Variants in KCNH5 observed in about 807,000 individuals in gnomAD.
The protein encoded by KCNH5 is potassium voltage-gated channel subfamily H member 5.
A neutral mutation model predicts 96.1 loss-of-function variants in KCNH5; 46 were observed. The observed-to-expected ratio is 0.48, with a 90% confidence interval of 0.38 to 0.61. KCNH5 has a LOEUF of 0.61. Among genes scored for constraint, KCNH5 ranks in the 20% least tolerant of loss-of-function variants. The pLI is 0.00. For synonymous variants in KCNH5, 439 were observed against 449.8 expected (o/e 0.98, Z 0.30); for missense variants, 907 against 1,225.8 (o/e 0.74, Z 3.88).
intron 9 of KCNH5, among the ~76,000 whole-genome samples, chr14:62,799,590 A>G (rs1383446799): frequency 6.9e-6 from 1 of 145,376 alleles, no homozygotes; most frequent in East Asian, 2.0e-4. Flanking sequence ...AAAAAAAAAA[A>G]AAGCCAAAAA....
chr14:62,781,581 C>A (rs559274374), intron 9 of KCNH5, among the ~76,000 whole-genome samples: 1 of 152,146 alleles, frequency 6.6e-6, no homozygotes, highest in East Asian at 1.9e-4. Context: ...CCGCCAGGTG[C>A]GCATTCTCTT....
Position 62,980,892 on chromosome 14 carries a change from CATTGATGATGTCATAAGGT to C in KCNH5, c.903_921del (p.Tyr303LeufsTer15). The C allele has an allele frequency of 6.2e-7, 1 of 1,613,854 alleles. No individual in the cohort carries two copies. Among genetic ancestry groups the C allele is most frequent in the South Asian group, 1.1e-5 (1 of 90,968 alleles). ...CTTACCTCATCCACATTTTCAAAGG[CATTGATGATGTCATAAGGT>C]AAACAAGACAGCAGATCGATCACAA... On this transcript the variant is annotated frameshift_variant, in exon 6 of 11. Coordinates refer to ENST00000322893, the MANE Select transcript of KCNH5 (RefSeq NM_139318.5). LOFTEE classifies it high-confidence loss of function.
At chr14:62,793,322 C>CTTACCATGAAA (rs1886473505) in intron 9 of KCNH5, among the ~76,000 whole-genome samples, 2 of 151,760 alleles carry the variant, frequency 1.3e-5, no homozygotes, top group African/African-American at 4.8e-5. Flanking sequence ...GAAAAAAGGA[C>CTTACCATGAAA]AGAAGAAAGC....
At chr14:62,792,961 GC>G (rs1467675652) in intron 9 of KCNH5, among the ~76,000 whole-genome samples, 4 of 151,700 alleles carry the variant, frequency 2.6e-5, no homozygotes, top group Admixed American at 2.6e-4. Flanking sequence ...ATATTATTCA[GC>G]CTTTGAAAAG....
chr14:62,759,661 C>G (rs1016737621), intron 10 of KCNH5, among the ~76,000 whole-genome samples: 1 of 151,482 alleles, frequency 6.6e-6, no homozygotes, highest in Admixed American at 6.6e-5. Context: ...CTTTCTTTCT[C>G]TCTCTCTTTC....
intron 6 of KCNH5, among the ~76,000 whole-genome samples, chr14:62,954,607 G>A (rs1031346925): frequency 1.3e-5 from 2 of 152,112 alleles, no homozygotes; most frequent in East Asian, 1.9e-4. Flanking sequence ...GTAACTTAGG[G>A]TTGCATTAAT....
chr14:62,743,728 T>G (rs1885320450), intron 10 of KCNH5, among the ~76,000 whole-genome samples: 1 of 152,162 alleles, frequency 6.6e-6, no homozygotes, highest in Non-Finnish European at 1.5e-5. Context: ...ATTCACTGTG[T>G]TGCCTATATC....
At chr14:62,787,692 AG>A (rs1176060652) in intron 9 of KCNH5, among the ~76,000 whole-genome samples, 1 of 152,188 alleles carries the variant, frequency 6.6e-6, no homozygotes, top group East Asian at 1.9e-4. Context: ...TTTAAGTTGA[AG>A]CCAGTACTCC....
At chr14:63,002,949 G>C (rs540900027) in intron 3 of KCNH5, among the ~76,000 whole-genome samples, 1 of 152,044 alleles carries the variant, frequency 6.6e-6, no homozygotes, top group Non-Finnish European at 1.5e-5. Context: ...TGATGTGCAC[G>C]GTTTTACAAA....
chr14:62,947,714 GAC>G (rs373941818), intron 7 of KCNH5, among the ~76,000 whole-genome samples: 1,577 of 149,438 alleles, frequency 0.011, 21 homozygotes, highest in African/African-American at 0.035. Flanking sequence ...GGACAGCTTA[GAC>G]ACACACACAC....
intron 8 of KCNH5, among the ~76,000 whole-genome samples, chr14:62,844,413 T>C (rs1313031592): frequency 6.6e-6 from 1 of 152,240 alleles, no homozygotes; most frequent in Non-Finnish European, 1.5e-5. Context: ...GCCATTTACT[T>C]CATTTGAATT....
rs185851520 is a variant in KCNH5, at chr14:63,042,272, C to A, written c.73+2842G>T. Among the ~76,000 whole-genome samples the A allele has an allele frequency of 3.9e-5, 6 of 152,150 alleles. No individual in the cohort carries two copies. The East Asian group carries it at 1.2e-3, about 29-fold the overall frequency. On this transcript the variant is annotated intron_variant, in intron 1 of 10. Coordinates refer to ENST00000322893, the MANE Select transcript of KCNH5 (RefSeq NM_139318.5). ...CTCTGTCTGTAGGGTGGTGGACACA[C>A]TTTACAGACAAATCCTAAAAAAGAA...
In KCNH5 at chr14:62,929,037, CGTGT is replaced by C. The variant is rs142904374; in HGVS notation, c.1369+21092_1369+21095del. ...ACTGCCTACGAGACATATGTACTTA[CGTGT>C]CTATGCAGCGTCTCAAACTTAACAT... On this transcript the variant is annotated intron_variant, in intron 7 of 10. Coordinates refer to ENST00000322893, the MANE Select transcript of KCNH5 (RefSeq NM_139318.5). Among the ~76,000 whole-genome samples the C allele has an allele frequency of 5.1e-3, 781 of 152,166 alleles. 3 individuals carry two copies. The highest frequency in any genetic ancestry group is 0.018 in the African/African-American group (750 of 41,532).
intron 10 of KCNH5, among the ~76,000 whole-genome samples, chr14:62,728,216 A>G (rs1410533593): frequency 1.8e-5 from 1 of 56,410 alleles, no homozygotes; most frequent in African/African-American, 4.7e-5. Context: ...CCCTATCTCT[A>G]TTAAACTACA....
chr14:62,820,846 G>A (rs1391179683), intron 8 of KCNH5, among the ~76,000 whole-genome samples: 3 of 152,046 alleles, frequency 2.0e-5, no homozygotes, highest in African/African-American at 4.8e-5. Context: ...TCTTTGGGGT[G>A]TATACCCAGT....
chr14:62,961,557 G>A (rs1890205675), intron 6 of KCNH5, among the ~76,000 whole-genome samples: 1 of 152,210 alleles, frequency 6.6e-6, no homozygotes, highest in Non-Finnish European at 1.5e-5. Flanking sequence ...AGCAGAGTAA[G>A]ACTGAAGTGG....
At chr14:62,875,554 G>A (rs926130572) in intron 7 of KCNH5, among the ~76,000 whole-genome samples, 3 of 152,000 alleles carry the variant, frequency 2.0e-5, no homozygotes, top group Non-Finnish European at 4.4e-5. Context: ...AACAACAGAT[G>A]CTGGCGAGGA....
At chr14:62,825,635 G>A (rs1887207304) in intron 8 of KCNH5, among the ~76,000 whole-genome samples, 1 of 152,068 alleles carries the variant, frequency 6.6e-6, no homozygotes, top group Non-Finnish European at 1.5e-5. Context: ...ACATCCATAG[G>A]TGATTAACAT....
intron 10 of KCNH5, among the ~76,000 whole-genome samples, chr14:62,736,580 C>T (rs955785796): frequency 3.3e-5 from 5 of 152,068 alleles, no homozygotes; most frequent in African/African-American, 9.7e-5. Flanking sequence ...GATAATGCCC[C>T]GCAGGCCGGA....
Sources: allele counts gnomAD v4.1 joint callset (sites outside exome capture counted in the v4.1 genomes callset), GRCh38; gene constraint gnomAD v4.1.1; transcripts MANE v1.5; gene names NCBI Gene and HGNC (gene_info 2026-07-23, HGNC 2026-07-21).